KYNU: variants seen among roughly 807,000 people sequenced by gnomAD.
The protein encoded by KYNU is kynureninase, also known as L-kynurenine hydrolase.
In KYNU, 54 loss-of-function variants were observed where a neutral mutation model predicts 59.2. The ratio of observed to expected loss-of-function variants is 0.91; its 90% CI spans 0.73 to 1.14. The LOEUF (loss-of-function observed/expected upper bound fraction) is 1.14, where lower values mean the gene tolerates loss of function less well. Among genes scored for constraint, KYNU ranks in the 50% most tolerant of loss-of-function variants. The pLI is 0.00. For missense variants in KYNU, 567 were observed against 554.4 expected, an observed-to-expected ratio of 1.02 and a Z score of -0.23; for synonymous variants, 177 against 192.0, an observed-to-expected ratio of 0.92 and a Z score of 0.65.
chr2:142,921,809 AATACATACATACATACATAC>A (rs11274854), intron 3 of KYNU, among the ~76,000 whole-genome samples: 12 of 147,980 alleles, frequency 8.1e-5, no homozygotes, highest in South Asian at 4.5e-4. Flanking sequence ...CATGTCTTTA[AATACATACATACATACATAC>A]ATACATACAT....
At chr2:142,969,188 A>G (rs1428951675) in intron 8 of KYNU, among the ~76,000 whole-genome samples, 6 of 152,116 alleles carry the variant, frequency 3.9e-5, no homozygotes, top group Admixed American at 6.5e-5. Flanking sequence ...AAACACACAC[A>G]TATATATATT....
chr2:142,956,070 G>A, intron 5 of KYNU, 133 bp from the exon 6 acceptor site: 1 of 580,684 alleles, frequency 1.7e-6, no homozygotes, highest in South Asian at 2.3e-5. Context: ...AGGTAGTCCT[G>A]ACAAACACTT....
At chr2:143,005,980 T>A (rs1453728367) in intron 10 of KYNU, among the ~76,000 whole-genome samples, 2 of 152,140 alleles carry the variant, frequency 1.3e-5, no homozygotes, top group Non-Finnish European at 2.9e-5. Context: ...GAGTCTAGAA[T>A]ACTAATGGCT....
chr2:142,937,177 TCTG>T (rs1261926327), intron 4 of KYNU, among the ~76,000 whole-genome samples: 3 of 152,284 alleles, frequency 2.0e-5, no homozygotes, highest in Middle Eastern at 6.8e-3. Context: ...TCTTCCTGCT[TCTG>T]CTATTTTGCT....
intron 2 of KYNU, among the ~76,000 whole-genome samples, chr2:142,901,483 A>T (rs541106570): frequency 6.6e-6 from 1 of 151,528 alleles, no homozygotes; most frequent in South Asian, 2.1e-4. Flanking sequence ...GTTTCCTTCT[A>T]TTTTTCTTTC....
chr2:142,980,497 C>T (rs1039559621), intron 8 of KYNU, among the ~76,000 whole-genome samples: 1 of 152,126 alleles, frequency 6.6e-6, no homozygotes, highest in African/African-American at 2.4e-5. Flanking sequence ...CTGATTCAAA[C>T]ACCTCTGATA....
At chr2:142,883,965 A>G (rs1057037552) in intron 1 of KYNU, among the ~76,000 whole-genome samples, 3 of 152,258 alleles carry the variant, frequency 2.0e-5, no homozygotes, top group African/African-American at 4.8e-5. Context: ...CAGCAAAACT[A>G]TATGTAAATC....
At chr2:142,891,396 C>T (rs888086679) in intron 2 of KYNU, among the ~76,000 whole-genome samples, 13 of 151,814 alleles carry the variant, frequency 8.6e-5, no homozygotes, top group Non-Finnish European at 1.5e-4. Flanking sequence ...GAAAAAAAAA[C>T]GGTGCTGCTT....
chr2:143,035,001 T>G (rs1053171844), intron 12 of KYNU, among the ~76,000 whole-genome samples: 1 of 152,232 alleles, frequency 6.6e-6, no homozygotes, highest in Admixed American at 6.5e-5. Flanking sequence ...CACCCTTCTC[T>G]TGTGGGAAAG....
chr2:142,951,931 G>T (rs921981994), intron 4 of KYNU, among the ~76,000 whole-genome samples: 1 of 152,214 alleles, frequency 6.6e-6, no homozygotes, highest in Non-Finnish European at 1.5e-5. Flanking sequence ...TATACCAAGT[G>T]TAAGTGTAGT....
At position 143,048,156 on chromosome 2, in the gene KYNU, T is replaced by C. The variant is rs1687199094; in HGVS notation, c.*5984T>C. 1 of 152,226 alleles carries C rather than the reference T, an allele frequency of 6.6e-6. No individual in the cohort carries two copies. Among genetic ancestry groups the C allele is most frequent in the African/African-American group, 2.4e-5 (1 of 41,444 alleles). The allele number at this position is 152,226 out of a possible 1,614,324, so 9.4% of individuals were successfully genotyped here. On this transcript the variant is annotated 3_prime_UTR_variant, in exon 14 of 14. Transcript: ENST00000264170. Reference sequence around the variant, plus strand: ...CCAAACCCAGCCCCTCATTTTCTTTTTGATTTTTATTTATTTTCCTCTGTT... The same window carrying C: ...CCAAACCCAGCCCCTCATTTTCTTTCTGATTTTTATTTATTTTCCTCTGTT...
chr2:142,986,718 A>T (rs572372194), intron 10 of KYNU, among the ~76,000 whole-genome samples: 1 of 145,100 alleles, frequency 6.9e-6, no homozygotes, highest in Non-Finnish European at 1.5e-5. Flanking sequence ...TGCTGGGAAG[A>T]AAAAAAAAAA....
intron 5 of KYNU, among the ~76,000 whole-genome samples, chr2:142,955,901 A>C (rs951466913): frequency 6.6e-6 from 1 of 152,108 alleles, no homozygotes; most frequent in Non-Finnish European, 1.5e-5. Flanking sequence ...TTTGTTGTTA[A>C]TCATCAGACT....
rs749789304 is a variant in KYNU at position 143,040,411 on chromosome 2, T to C, written c.1042-17T>C. 1.9e-6 allele frequency: 3 copies of C among 1,582,900 alleles called. No individual in the cohort carries two copies. Among genetic ancestry groups the C allele is most frequent in the Non-Finnish European group, 2.6e-6 (3 of 1,152,336 alleles). On this transcript the variant is annotated splice_polypyrimidine_tract_variant and intron_variant, in intron 12 of 13. Transcript: ENST00000264170. The stretch of plus-strand genomic sequence containing the variant: ...AATCAATAAGACACTTTAATCTGAT[T>C]GTTTCTCATTCCACAGATCTTTAAG...
intron 8 of KYNU, among the ~76,000 whole-genome samples, chr2:142,964,164 A>T (rs1317330184): frequency 1.3e-5 from 2 of 151,680 alleles, no homozygotes; most frequent in Admixed American, 1.3e-4. Context: ...TATGAAATAG[A>T]TCACAGGTTT....
rs116154405 is a variant in KYNU, at chr2:142,918,849, A to G, written c.290+120A>G. 4.0e-3 allele frequency: 4,741 copies of G among 1,177,694 alleles called. 11 individuals are homozygous for G. The highest frequency in any genetic ancestry group is 5.3e-3 in the Non-Finnish European group (4,311 of 811,776). 73.0% of individuals were successfully genotyped at this position (1,177,694 alleles called of 1,614,324 possible). A position where few individuals can be genotyped will look rare whatever the true frequency, so the allele number is the denominator to read the frequency against. ...AATCCTAGTACAGTCATCCCTTGGC[A>G]TCTGTGGAGGATTAGTTCCAGGGCC... On this transcript the variant is annotated intron_variant, in intron 3 of 13. Coordinates refer to ENST00000264170, the MANE Select transcript of KYNU (RefSeq NM_003937.3).
In KYNU at chr2:142,996,821, T is replaced by C. The variant is rs147501358; in HGVS notation, c.902+10800T>C. Among the ~76,000 whole-genome samples, 59 of 152,282 alleles carry C rather than the reference T, an allele frequency of 3.9e-4. No homozygotes were observed. In the East Asian group the frequency reaches 0.01, roughly 26 times the overall value. ...GGTCTCTTCACCTCTCATTAAGTCTTGGTTTGCCTGTGGAAAAAATAAATA... is the reference window on the plus strand; with the variant it reads ...GGTCTCTTCACCTCTCATTAAGTCTCGGTTTGCCTGTGGAAAAAATAAATA... On this transcript the variant is annotated intron_variant, in intron 10 of 13. Coordinates refer to ENST00000264170, the MANE Select transcript of KYNU (RefSeq NM_003937.3).
intron 8 of KYNU, among the ~76,000 whole-genome samples, chr2:142,980,242 ATAATGCTAATAATTAGCTTATAATGAG>A (rs1685013629): frequency 2.0e-5 from 3 of 146,652 alleles, no homozygotes; most frequent in African/African-American, 8.3e-5. Context: ...TAATGAGCTT[ATAATGCTAATAATTAGCTTATAATGAG>A]CAGTGAGGAT....
chr2:142,900,108 G>A (rs566128199), intron 2 of KYNU, among the ~76,000 whole-genome samples: 12 of 152,326 alleles, frequency 7.9e-5, no homozygotes, highest in Admixed American at 4.6e-4. Context: ...GAAGAGAACC[G>A]TGGAACCCAG....
Sources: gnomAD v4.1 joint callset for allele counts (sites outside exome capture counted in the v4.1 genomes callset) on GRCh38, gnomAD v4.1.1 for gene constraint, MANE v1.5 for transcripts, NCBI Gene and HGNC (gene_info 2026-07-23, HGNC 2026-07-21) for gene names.